PCMT1: variants seen among roughly 807,000 people sequenced by gnomAD.
The protein encoded by PCMT1 is protein-L-isoaspartate(D-aspartate) O-methyltransferase.
A neutral mutation model predicts 29.2 loss-of-function variants in PCMT1; 9 were observed. The ratio of observed to expected loss-of-function variants is 0.31; its 90% confidence interval spans 0.19 to 0.54. PCMT1 has a LOEUF of 0.54. PCMT1 is among the 20% of genes least tolerant of loss of function. PCMT1 has a pLI of 0.95. For missense variants in PCMT1, 184 were observed against 282.2 expected (o/e 0.65, Z 2.49); for synonymous variants, 98 against 97.5 (o/e 1.00, Z -0.03).
At chr6:149,758,937 C>T (rs987625356) in intron 1 of PCMT1, among the ~76,000 whole-genome samples, 8 of 152,004 alleles carry the variant, frequency 5.3e-5, no homozygotes, top group African/African-American at 1.7e-4. Context: ...AGTGCAATGG[C>T]GCGATCTCGG....
At chr6:149,798,619 C>T (rs1436588156) in intron 6 of PCMT1, among the ~76,000 whole-genome samples, 2 of 152,162 alleles carry the variant, frequency 1.3e-5, no homozygotes, top group East Asian at 3.9e-4. Context: ...GAAGCATAAA[C>T]TCCATACTCA....
intron 7 of PCMT1, among the ~76,000 whole-genome samples, chr6:149,808,177 AAAT>A (rs1319912498): frequency 2.6e-5 from 4 of 152,022 alleles, no homozygotes; most frequent in Non-Finnish European, 5.9e-5. Context: ...AAAATCTAAT[AAAT>A]AATTAAATTA....
chr6:149,794,797 C>T, intron 5 of PCMT1: 5 of 482,764 alleles, frequency 1.0e-5, no homozygotes, highest in Non-Finnish European at 2.1e-5. Flanking sequence ...CTCATGTTGC[C>T]AGTGAGGGAC....
At chr6:149,772,352 ATG>A (rs1787361179) in intron 2 of PCMT1, 1 of 322,948 alleles carries the variant, frequency 3.1e-6, no homozygotes, top group African/African-American at 2.2e-5. Flanking sequence ...AAAGAATAAA[ATG>A]AAGTATTTTA....
chr6:149,750,811 GA>G (rs1786284030), intron 1 of PCMT1, among the ~76,000 whole-genome samples: 1 of 151,784 alleles, frequency 6.6e-6, no homozygotes, highest in Admixed American at 6.6e-5. Flanking sequence ...TTTTTAAATC[GA>G]AATATAGCGT....
intron 6 of PCMT1, chr6:149,796,982 T>G (rs1257650045): frequency 6.6e-6 from 1 of 152,434 alleles, no homozygotes; most frequent in Non-Finnish European, 1.5e-5. Context: ...CCCAGCTAAT[T>G]TTTGTATTTT....
At chr6:149,773,611 C>T (rs1210413584) in intron 3 of PCMT1, among the ~76,000 whole-genome samples, 2 of 152,040 alleles carry the variant, frequency 1.3e-5, no homozygotes, top group Non-Finnish European at 2.9e-5. Context: ...ATCTCCTGAC[C>T]CTCGTGATCC....
chr6:149,785,013 G>A (rs1383906319), intron 3 of PCMT1, among the ~76,000 whole-genome samples: 4 of 151,452 alleles, frequency 2.6e-5, no homozygotes, highest in Non-Finnish European at 4.4e-5. Flanking sequence ...CATATTTTTG[G>A]TCTTGTTTCA....
Position 149,802,384 on chromosome 6 carries a change from A to T in PCMT1, c.*5A>T, listed in dbSNP as rs752074342. The stretch of plus-strand genomic sequence containing the variant: ...CAGTGGTCCAGGTGGAAGTGATTTT[A>T]TCTTCTGCTCTTTCTTCTTCCACAC... On this transcript the variant is annotated 3_prime_UTR_variant, in exon 7 of 8. Transcript: ENST00000464889. 3.7e-6 allele frequency: 6 copies of T among 1,601,082 alleles called. No homozygotes were observed. Among genetic ancestry groups the T allele is most frequent in the African/African-American group, 1.3e-5 (1 of 74,538 alleles).
At chr6:149,793,172 AAAAAAG>A (rs1213242657) in intron 4 of PCMT1, among the ~76,000 whole-genome samples, 2 of 152,056 alleles carry the variant, frequency 1.3e-5, no homozygotes, top group African/African-American at 4.8e-5. Context: ...CAAAAAAAAA[AAAAAAG>A]AAATTCCTCC....
chr6:149,766,505 G>A (rs935818143), intron 1 of PCMT1, among the ~76,000 whole-genome samples: 60 of 152,188 alleles, frequency 3.9e-4, no homozygotes, highest in Admixed American at 3.5e-3. Flanking sequence ...ACTTCATTAT[G>A]ATGTGGAACA....
At chr6:149,762,828 ATATGATATATATATCTATGATATATATC>A (rs1210800116) in intron 1 of PCMT1, among the ~76,000 whole-genome samples, 2 of 53,844 alleles carry the variant, frequency 3.7e-5, no homozygotes, top group Non-Finnish European at 5.1e-5. Flanking sequence ...TCTATGATAT[ATATGATATATATATCTATGATATATATC>A]TATGATATAT....
intron 1 of PCMT1, among the ~76,000 whole-genome samples, chr6:149,757,542 T>C (rs1220870625): frequency 6.6e-6 from 1 of 152,170 alleles, no homozygotes; most frequent in African/African-American, 2.4e-5. Context: ...GGTGGTTTGG[T>C]TTAGCAAAAC....
chr6:149,784,884 C>A (rs1787958367), intron 3 of PCMT1, among the ~76,000 whole-genome samples: 1 of 152,192 alleles, frequency 6.6e-6, no homozygotes, highest in African/African-American at 2.4e-5. Context: ...ATGTCATTAT[C>A]ATACCTAACA....
chr6:149,798,794 C>T (rs1382883711), intron 6 of PCMT1, among the ~76,000 whole-genome samples: 1 of 152,148 alleles, frequency 6.6e-6, no homozygotes, highest in Non-Finnish European at 1.5e-5. Context: ...TCTGAAAAGG[C>T]TTAGGAATTG....
At chr6:149,794,949 A>C (rs1788538328) in intron 5 of PCMT1, 7 of 432,312 alleles carry the variant, frequency 1.6e-5, no homozygotes, top group South Asian at 1.2e-4. Context: ...TAATCCCAGC[A>C]CTTTGGGAGG....
intron 1 of PCMT1, among the ~76,000 whole-genome samples, chr6:149,756,518 T>A (rs916525622): frequency 0.27 from 28,507 of 106,594 alleles, 5,569 homozygotes; most frequent in East Asian, 0.69. Context: ...CTGGCTTTTT[T>A]TTTTTTTTTT....
At chr6:149,789,091 T>C (rs1172438278) in intron 3 of PCMT1, among the ~76,000 whole-genome samples, 1 of 114,416 alleles carries the variant, frequency 8.7e-6, no homozygotes, top group Non-Finnish European at 1.7e-5. Flanking sequence ...TTTTTTTTTT[T>C]GAGATGGAGT....
At position 149,790,002 on chromosome 6, in the gene PCMT1, A is replaced by G. The variant is rs767103869; in HGVS notation, c.241A>G (p.Lys81Glu). Residue 81 changes from lysine to glutamate, a missense_variant, in exon 4 of 8, where the codon AAA (lysine) becomes GAA (glutamate). Transcript: ENST00000464889. Reference sequence around the variant, plus strand: ...ATTTGATCAGTTGCATGAAGGAGCTAAAGCTCTTGATGTAGGATCTGGAAG... The same window carrying G: ...ATTTGATCAGTTGCATGAAGGAGCTGAAGCTCTTGATGTAGGATCTGGAAG... ...LLFDQLHEGA[K>E]ALDVGSGSGI... 1.2e-6 allele frequency: 2 copies of G among 1,611,852 alleles called. No homozygotes were observed. Among genetic ancestry groups the G allele is most frequent in the Non-Finnish European group, 1.7e-6 (2 of 1,179,372 alleles).
Sources: gnomAD v4.1 joint callset for allele counts (sites outside exome capture counted in the v4.1 genomes callset) on GRCh38, gnomAD v4.1.1 for gene constraint, MANE v1.5 for transcripts, NCBI Gene and HGNC (gene_info 2026-07-23, HGNC 2026-07-21) for gene names.